The following DNAJC5B variants were observed in gnomAD, a reference collection of about 807,000 sequenced individuals.
DNAJC5B encodes the protein DnaJ heat shock protein family (Hsp40) member C5 beta.
A neutral mutation model predicts 24.7 loss-of-function variants in DNAJC5B; 23 were observed. That is an observed-to-expected ratio of 0.93 (90% CI 0.67 to 1.32). The LOEUF (loss-of-function observed/expected upper bound fraction) is 1.32, where lower values mean the gene tolerates loss of function less well. Ranked by LOEUF, DNAJC5B falls within the 40% of genes most tolerant of loss-of-function variation. DNAJC5B has a pLI of 0.00. For synonymous variants in DNAJC5B, 101 were observed against 90.1 expected (o/e 1.12, Z -0.68); for missense variants, 238 against 240.8 (o/e 0.99, Z 0.08).
intron 1 of DNAJC5B, among the ~76,000 whole-genome samples, chr8:66,037,220 AAC>A (rs1806507194): frequency 6.6e-6 from 1 of 152,052 alleles, no homozygotes; most frequent in African/African-American, 2.4e-5. Flanking sequence ...TGGGGTCTTG[AAC>A]AGTTTCCCAC....
At chr8:66,034,527 C>A (rs1586066802) in intron 1 of DNAJC5B, among the ~76,000 whole-genome samples, 2 of 151,882 alleles carry the variant, frequency 1.3e-5, no homozygotes, top group South Asian at 4.2e-4. Flanking sequence ...TCGGAGGTAT[C>A]AGAGAAATGT....
chr8:66,060,464 C>A (rs535087056), intron 3 of DNAJC5B, among the ~76,000 whole-genome samples: 1 of 152,320 alleles, frequency 6.6e-6, no homozygotes, highest in East Asian at 1.9e-4. Flanking sequence ...CCAAACACAT[C>A]CTGATGTGCC....
intron 5 of DNAJC5B, among the ~76,000 whole-genome samples, chr8:66,093,424 G>C (rs780729314): frequency 1.3e-5 from 2 of 152,114 alleles, no homozygotes; most frequent in Non-Finnish European, 2.9e-5. Flanking sequence ...TGGTAAATGT[G>C]TGACAATCTA....
chr8:66,060,182 A>G (rs1466031337), intron 3 of DNAJC5B, among the ~76,000 whole-genome samples: 1 of 152,164 alleles, frequency 6.6e-6, no homozygotes, highest in Non-Finnish European at 1.5e-5. Flanking sequence ...GCCAGACACT[A>G]GCAGTAATGT....
chr8:66,028,571 G>A (rs1315534889), intron 1 of DNAJC5B, among the ~76,000 whole-genome samples: 6 of 140,120 alleles, frequency 4.3e-5, no homozygotes, highest in Admixed American at 3.4e-4. Context: ...TCAGCCAACG[G>A]GCCTCACCAT....
chr8:66,072,772 T>C (rs1291545374), intron 3 of DNAJC5B, among the ~76,000 whole-genome samples: 1 of 152,122 alleles, frequency 6.6e-6, no homozygotes, highest in Non-Finnish European at 1.5e-5. Context: ...AATGCACATA[T>C]TAGAAAACCA....
chr8:66,065,190 C>T (rs770825039), intron 3 of DNAJC5B, among the ~76,000 whole-genome samples: 32 of 152,358 alleles, frequency 2.1e-4, no homozygotes, highest in Admixed American at 1.1e-3. Context: ...TCATCATCTA[C>T]GGTTCGTGTT....
intron 1 of DNAJC5B, among the ~76,000 whole-genome samples, chr8:66,031,665 C>T (rs957558831): frequency 6.6e-6 from 1 of 152,162 alleles, no homozygotes; most frequent in African/African-American, 2.4e-5. Context: ...CAGTTTGAGT[C>T]TGGAGGCAGA....
At chr8:66,061,255 G>A (rs1037020528) in intron 3 of DNAJC5B, among the ~76,000 whole-genome samples, 24 of 152,162 alleles carry the variant, frequency 1.6e-4, no homozygotes, top group African/African-American at 4.1e-4. Flanking sequence ...AATAGCCACC[G>A]CACTCCAGCC....
At chr8:66,058,234 A>G (rs1386543325) in intron 3 of DNAJC5B, among the ~76,000 whole-genome samples, 2 of 152,150 alleles carry the variant, frequency 1.3e-5, no homozygotes, top group African/African-American at 4.8e-5. Context: ...TTTCCTATTG[A>G]TAGATATTCA....
At chr8:66,030,206 T>C (rs1806330084) in intron 1 of DNAJC5B, among the ~76,000 whole-genome samples, 1 of 152,216 alleles carries the variant, frequency 6.6e-6, no homozygotes, top group Non-Finnish European at 1.5e-5. Context: ...GTAGTCTTCA[T>C]GGTGCTCCTT....
At chr8:66,066,009 G>C (rs1398824434) in intron 3 of DNAJC5B, among the ~76,000 whole-genome samples, 1 of 152,162 alleles carries the variant, frequency 6.6e-6, no homozygotes, top group Non-Finnish European at 1.5e-5. Context: ...GGTAGGTAAA[G>C]CAGACTGGCT....
intron 5 of DNAJC5B, among the ~76,000 whole-genome samples, chr8:66,091,678 G>A (rs960387370): frequency 1.3e-5 from 2 of 152,160 alleles, no homozygotes; most frequent in Non-Finnish European, 2.9e-5. Flanking sequence ...AATGAAACAT[G>A]ATAAGTGGAA....
In DNAJC5B at chr8:66,067,858, G is replaced by C. The variant is rs558632703; in HGVS notation, c.120-8802G>C. 4.9e-4 allele frequency among the ~76,000 whole-genome samples: 75 copies of C among 152,282 alleles called. 1 individual carries two copies. In the South Asian group the frequency reaches 0.016, roughly 32 times the overall value. ...CAGAGCTCAAAATTGTCCCCACCAA[G>C]TTCTGCTCAATGACAACATTTGAGC... On this transcript the variant is annotated intron_variant, in intron 3 of 5. Coordinates refer to ENST00000276570, the MANE Select transcript of DNAJC5B (RefSeq NM_033105.6).
intron 3 of DNAJC5B, among the ~76,000 whole-genome samples, chr8:66,054,092 A>G (rs1806912947): frequency 6.6e-6 from 1 of 151,918 alleles, no homozygotes; most frequent in South Asian, 2.1e-4. Context: ...CTTATTCCTT[A>G]TACTTAATAT....
intron 1 of DNAJC5B, among the ~76,000 whole-genome samples, chr8:66,028,280 C>T (rs925681433): frequency 3.9e-5 from 6 of 152,198 alleles, no homozygotes; most frequent in Admixed American, 3.9e-4. Flanking sequence ...CATGTCCACT[C>T]TACCTGCGCT....
chr8:66,098,975 GTC>G lies in DNAJC5B; in HGVS notation c.506-956_506-955del, dbSNP rs889378643. Among the ~76,000 whole-genome samples, 18 of 150,018 alleles carry G rather than the reference GTC, an allele frequency of 1.2e-4. 1 individual carries two copies. The highest frequency in any genetic ancestry group is 4.6e-4 in the Admixed American group (7 of 15,132). ...TGCATTGTTTCCATATGTAATCTCT[GTC>G]TCTCTGTCTGTCTCTCTCTGTCTCT... On this transcript the variant is annotated intron_variant, in intron 5 of 5. Coordinates refer to ENST00000276570, the MANE Select transcript of DNAJC5B (RefSeq NM_033105.6).
Position 66,088,424 on chromosome 8 carries a change from G to T in DNAJC5B, c.505+7876G>T, listed in dbSNP as rs560962196. Among the ~76,000 whole-genome samples the T allele has an allele frequency of 7.9e-5, 12 of 152,274 alleles. No individual in the cohort carries two copies. In the East Asian group the frequency reaches 2.3e-3, roughly 29 times the overall value. ...TGGAGACAGTTTCCCCATCATCTTG[G>T]CTATTAACATTCAGCTTCTCGTTAC... On this transcript the variant is annotated intron_variant, in intron 5 of 5. Coordinates refer to ENST00000276570, the MANE Select transcript of DNAJC5B (RefSeq NM_033105.6).
At chr8:66,048,536 G>A (rs1020428163) in intron 2 of DNAJC5B, among the ~76,000 whole-genome samples, 2 of 152,022 alleles carry the variant, frequency 1.3e-5, no homozygotes, top group East Asian at 1.9e-4. Flanking sequence ...CACATTATTG[G>A]GTAGGGCAGG....
Sources: allele counts gnomAD v4.1 joint callset (sites outside exome capture counted in the v4.1 genomes callset), GRCh38; gene constraint gnomAD v4.1.1; transcripts MANE v1.5; gene names NCBI Gene and HGNC (gene_info 2026-07-23, HGNC 2026-07-21).